NIN: variants seen among roughly 807,000 people sequenced by gnomAD.
NIN encodes glycogen synthase kinase 3 beta-interacting protein.
A neutral mutation model predicts 257.6 loss-of-function variants in NIN; 137 were observed. That is an observed-to-expected ratio of 0.53 (90% CI 0.46 to 0.61). NIN has a LOEUF of 0.61. Among genes scored for constraint, NIN ranks in the 20% least tolerant of loss-of-function variants. NIN has a pLI of 0.00. For missense variants in NIN, 2,439 were observed against 2,501.2 expected (o/e 0.98, Z 0.53); for synonymous variants, 918 against 919.8 (o/e 1.00, Z 0.04).
At chr14:50,772,280 T>C in intron 9 of NIN, 21 bp downstream of exon 9, 1 of 1,563,128 alleles carries the variant, frequency 6.4e-7, no homozygotes, top group Non-Finnish European at 8.7e-7. Flanking sequence ...TTGTCATTTT[T>C]CTCAATTTTA....
Position 50,791,447 on chromosome 14 carries a change from GT to G in NIN, c.435+1264del, listed in dbSNP as rs962209752. ...CACTACTCTTATACCACTTTTGTGGGTTTTTTTTTTCTCTCTTCTCTCTTTT... is the reference window on the plus strand; with the variant it reads ...CACTACTCTTATACCACTTTTGTGGGTTTTTTTTTCTCTCTTCTCTCTTTT... On this transcript the variant is annotated intron_variant, in intron 5 of 30. Coordinates refer to ENST00000530997, the MANE Select transcript of NIN (RefSeq NM_020921.4). Among the ~76,000 whole-genome samples the G allele has an allele frequency of 8.2e-3, 1,220 of 148,188 alleles. 17 individuals carry two copies. The highest frequency in any genetic ancestry group is 0.028 in the African/African-American group (1,129 of 40,486).
intron 27 of NIN, among the ~76,000 whole-genome samples, chr14:50,736,592 A>C (rs2040992905): frequency 6.6e-6 from 1 of 152,194 alleles, no homozygotes; most frequent in African/African-American, 2.4e-5. Flanking sequence ...TGTGAAACAG[A>C]AGTGTAGTCT....
chr14:50,812,871 C>T (rs2044702134), intron 3 of NIN, among the ~76,000 whole-genome samples: 1 of 152,214 alleles, frequency 6.6e-6, no homozygotes, highest in African/African-American at 2.4e-5. Context: ...GGTTGAATTC[C>T]TCTTTTTCCA....
Position 50,743,516 on chromosome 14 carries a change from C to G in NIN, c.5201G>C (p.Ser1734Thr). 1 of 1,612,272 alleles carries G rather than the reference C, an allele frequency of 6.2e-7. No individual in the cohort carries two copies. Among genetic ancestry groups the G allele is most frequent in the Non-Finnish European group, 8.5e-7 (1 of 1,178,432 alleles). Residue 1734 changes from serine (S) to threonine (T), a missense_variant, in exon 24 of 31, where the codon AGT becomes ACT. Physicochemically the swap from Ser to Thr is moderately conservative, Grantham distance 58. Transcript: ENST00000530997. Reference sequence around the variant, plus strand: ...CGTCGCAATTCTATGCTCTAAAAGACTTGATTTTGCCAACTGTTTCAGGAA... The same window carrying G: ...CGTCGCAATTCTATGCTCTAAAAGAGTTGATTTTGCCAACTGTTTCAGGAA... The part of the protein sequence containing the change: ...NSCVDKLAKS[S>T]LLEHRIATMK...
chr14:50,772,150 C>T, intron 9 of NIN, 151 bp downstream of exon 9: 2 of 689,344 alleles, frequency 2.9e-6, no homozygotes, highest in Non-Finnish European at 4.7e-6. Flanking sequence ...GTTAAAAGGG[C>T]TAAAAAAAAA....
Position 50,723,488 on chromosome 14 carries a change from G to A in NIN, c.6377C>T (p.Thr2126Ile), listed in dbSNP as rs1455283223. 6.2e-7 allele frequency: 1 copy of A among 1,612,566 alleles called. No individual in the cohort carries two copies. Among genetic ancestry groups the A allele is most frequent in the East Asian group, 2.2e-5 (1 of 44,850 alleles). Residue 2126 changes from threonine to isoleucine, a missense_variant, in exon 31 of 31, where the codon ACT becomes ATT. Around this residue, in one of 3 missense-constraint regions of NIN, gnomAD observed 2,043 missense variants for 2,050.2 expected, o/e 1.00. Coordinates refer to ENST00000530997, the MANE Select transcript of NIN (RefSeq NM_020921.4). ...CTATGACCTCAAAGGAGGTGTAGAA[G>A]TCAATGGCGCTGGTGTCAGATTCCT... The part of the protein sequence containing the change: ...IVRNLTPAPL[T>I]STPPLRS
At chr14:50,795,798 T>C (rs1339347321) in intron 4 of NIN, among the ~76,000 whole-genome samples, 2 of 152,094 alleles carry the variant, frequency 1.3e-5, no homozygotes, top group East Asian at 1.9e-4. Flanking sequence ...CTGGCCAATA[T>C]GGCGAAACCT....
intron 4 of NIN, among the ~76,000 whole-genome samples, chr14:50,802,816 T>A (rs2044155345): frequency 6.6e-6 from 1 of 152,202 alleles, no homozygotes; most frequent in Non-Finnish European, 1.5e-5. Flanking sequence ...ATTTCCTAAC[T>A]CCTCACTCAA....
intron 6 of NIN, 112 bp from the exon 7 acceptor site, chr14:50,777,251 A>C: frequency 1.2e-6 from 1 of 808,362 alleles, no homozygotes; most frequent in South Asian, 1.9e-5. Flanking sequence ...AAAAGGCAAT[A>C]AATGTCAATT....
intron 26 of NIN, 112 bp downstream of exon 26, chr14:50,739,196 C>A: frequency 1.2e-6 from 1 of 868,842 alleles, no homozygotes; most frequent in Non-Finnish European, 1.8e-6. Context: ...TCTGCTATAG[C>A]AGGATACTCA....
chr14:50,752,054 T>A (rs1369371721), intron 21 of NIN, among the ~76,000 whole-genome samples: 1 of 152,238 alleles, frequency 6.6e-6, no homozygotes, highest in Non-Finnish European at 1.5e-5. Flanking sequence ...ATATAATCAG[T>A]GTTTTCTTTT....
intron 6 of NIN, among the ~76,000 whole-genome samples, chr14:50,778,547 C>G (rs114461194): frequency 6.6e-6 from 1 of 152,072 alleles, no homozygotes; most frequent in Admixed American, 6.5e-5. Context: ...GAAATTAGCC[C>G]GTAAGTAAAA....
At chr14:50,772,887 G>T (rs2042789082) in intron 8 of NIN, 62 bp downstream of exon 8, 14 of 1,360,748 alleles carry the variant, frequency 1.0e-5, no homozygotes, top group Middle Eastern at 2.5e-4. Context: ...TAATTTATTA[G>T]ACATTACTTA....
chr14:50,799,719 C>T (rs569376043), intron 4 of NIN, among the ~76,000 whole-genome samples: 7 of 152,222 alleles, frequency 4.6e-5, no homozygotes, highest in South Asian at 2.1e-4. Flanking sequence ...ACATGGCTCA[C>T]GCCTGTAATC....
intron 4 of NIN, among the ~76,000 whole-genome samples, chr14:50,797,830 CAG>C (rs926274882): frequency 6.7e-6 from 1 of 150,162 alleles, no homozygotes; most frequent in Non-Finnish European, 1.5e-5. Context: ...GGTGGGGAAA[CAG>C]GAGATAATAG....
chr14:50,773,139 T>C (rs761381032), intron 7 of NIN, 44 bp from the exon 8 acceptor site: 7 of 1,538,748 alleles, frequency 4.5e-6, no homozygotes, highest in Non-Finnish European at 6.3e-6. Context: ...CATTCAAGTA[T>C]ACAAGGCCCA....
In NIN at chr14:50,806,784, A is replaced by G; in HGVS notation, c.218T>C (p.Leu73Pro). ...HFDQFKEALI[L>P]ILSRTLSNEE... ...ATTTGACAGAGTTCTGGACAAGATG[A>G]GTATTAATGCTTCTTTAAATTGGTC... Residue 73 changes from leucine to proline, a missense_variant, in exon 4 of 31, where the codon CTC becomes CCC. Coordinates refer to ENST00000530997, the MANE Select transcript of NIN (RefSeq NM_020921.4). 1 of 1,582,260 alleles carries G rather than the reference A, an allele frequency of 6.3e-7. No homozygotes were observed. The highest frequency in any genetic ancestry group is 8.7e-7 in the Non-Finnish European group (1 of 1,152,592).
intron 4 of NIN, 129 bp downstream of exon 4, chr14:50,806,608 C>T (rs995557607): frequency 1.1e-5 from 6 of 536,860 alleles, no homozygotes; most frequent in Middle Eastern, 5.6e-4. Context: ...GAGAAGTCAC[C>T]GAAAATAACT....
intron 30 of NIN, among the ~76,000 whole-genome samples, chr14:50,725,185 G>C (rs981760145): frequency 6.6e-6 from 1 of 152,046 alleles, no homozygotes; most frequent in South Asian, 2.1e-4. Flanking sequence ...CCTCTCTTGG[G>C]GTTGTTATTC....
Sources: allele counts gnomAD v4.1 joint callset (sites outside exome capture counted in the v4.1 genomes callset), GRCh38; gene constraint gnomAD v4.1.1; regional missense constraint gnomAD v4.1.1; transcripts MANE v1.5; gene names NCBI Gene and HGNC (gene_info 2026-07-23, HGNC 2026-07-21).